Variants in BTBD10 observed in about 807,000 individuals in gnomAD.
BTBD10 encodes BTB domain containing 10.
BTBD10 carries 21 observed loss-of-function variants against 53.2 expected under a neutral mutation model. The ratio of observed to expected loss-of-function variants is 0.39; its 90% CI spans 0.28 to 0.57. The LOEUF (loss-of-function observed/expected upper bound fraction) is 0.57. Among genes scored for constraint, BTBD10 ranks in the 20% least tolerant of loss-of-function variants. The pLI is 0.53. For missense variants in BTBD10, 360 were observed against 594.7 expected (o/e 0.61, Z 4.10); for synonymous variants, 149 against 192.7 (o/e 0.77, Z 1.88).
chr11:13,420,781 G>A (rs557919693), intron 3 of BTBD10, among the ~76,000 whole-genome samples: 1 of 152,186 alleles, frequency 6.6e-6, no homozygotes, highest in South Asian at 2.1e-4. Context: ...ATTTGCTAAA[G>A]CAATATTAAT....
At chr11:13,438,981 G>A (rs946124700) in intron 2 of BTBD10, among the ~76,000 whole-genome samples, 6 of 151,884 alleles carry the variant, frequency 4.0e-5, no homozygotes, top group Admixed American at 3.3e-4. Flanking sequence ...ATATAAATAA[G>A]TCATGACAAC....
intron 2 of BTBD10, among the ~76,000 whole-genome samples, chr11:13,436,807 AGTCTC>A (rs1950551085): frequency 6.6e-6 from 1 of 152,094 alleles, no homozygotes; most frequent in Non-Finnish European, 1.5e-5. Context: ...TTTGAGAAAG[AGTCTC>A]ACTCTGTCAT....
intron 2 of BTBD10, among the ~76,000 whole-genome samples, chr11:13,424,955 T>C (rs1165411086): frequency 1.3e-5 from 2 of 151,806 alleles, no homozygotes; most frequent in Non-Finnish European, 2.9e-5. Flanking sequence ...AGCTGAGACA[T>C]TGGGATAAGA....
At chr11:13,404,031 C>CA (rs1462723218) in intron 7 of BTBD10, among the ~76,000 whole-genome samples, 1 of 151,118 alleles carries the variant, frequency 6.6e-6, no homozygotes, top group Non-Finnish European at 1.5e-5. Flanking sequence ...AAGGTTTTTT[C>CA]AAAAAAAGAA....
intron 2 of BTBD10, among the ~76,000 whole-genome samples, chr11:13,425,969 C>T (rs925169976): frequency 2.0e-5 from 3 of 151,714 alleles, no homozygotes; most frequent in Non-Finnish European, 4.4e-5. Context: ...GAAGACAACG[C>T]AATAGGAAAT....
At chr11:13,423,942 T>A (rs1362323346) in intron 2 of BTBD10, among the ~76,000 whole-genome samples, 1 of 152,052 alleles carries the variant, frequency 6.6e-6, no homozygotes, top group Admixed American at 6.6e-5. Context: ...GAAAAAAAAT[T>A]AGAGGACAGC....
intron 2 of BTBD10, among the ~76,000 whole-genome samples, chr11:13,438,025 AT>A: frequency 6.6e-6 from 1 of 152,170 alleles, no homozygotes; most frequent in South Asian, 2.1e-4. Context: ...TCTTATTTCT[AT>A]TTCTGTTAGA....
chr11:13,444,135 CCAAT>C (rs1272404772), intron 2 of BTBD10, among the ~76,000 whole-genome samples: 1 of 151,898 alleles, frequency 6.6e-6, no homozygotes, highest in Non-Finnish European at 1.5e-5. Context: ...TTAAAAAGTA[CCAAT>C]CACTCAAATT....
At chr11:13,429,341 A>AT (rs572805771) in intron 2 of BTBD10, among the ~76,000 whole-genome samples, 2 of 152,114 alleles carry the variant, frequency 1.3e-5, no homozygotes, top group Non-Finnish European at 2.9e-5. Flanking sequence ...AGCCTAAATA[A>AT]TTTTTTTAAA....
rs909978459 is a variant in BTBD10 at position 13,459,262 on chromosome 11, T to G, written c.-58+3830A>C. On this transcript the variant is annotated intron_variant, in intron 1 of 8. Transcript: ENST00000278174. ...TTTAGTAGAGACGGGGTTTCACCGT[T>G]TTAGCCGGGATGGTCTCGATCTCCT... 8.6e-5 allele frequency among the ~76,000 whole-genome samples: 13 copies of G among 151,650 alleles called. No individual in the cohort carries two copies. The East Asian group carries it at 2.3e-3, about 27-fold the overall frequency.
At position 13,439,865 on chromosome 11, in the gene BTBD10, G is replaced by T. The variant is rs1261046842; in HGVS notation, c.101+5159C>A. The T allele has an allele frequency of 2.7e-6, 4 of 1,497,894 alleles. No homozygotes were observed. In the African/African-American group the frequency reaches 5.6e-5, roughly 21 times the overall value. The allele number at this position is 1,497,894 out of a possible 1,614,324, so 92.8% of individuals were successfully genotyped here. A position where few individuals can be genotyped will look rare whatever the true frequency, so the allele number is the denominator to read the frequency against. On this transcript the variant is annotated intron_variant, in intron 2 of 8. Coordinates refer to ENST00000278174, the MANE Select transcript of BTBD10 (RefSeq NM_032320.7). ...AATAATTATAACCCAGAGATATCAT[G>T]TAATAAATGAATACACACCTTCCTT... is the stretch of plus-strand genomic sequence containing the variant.
intron 1 of BTBD10, among the ~76,000 whole-genome samples, chr11:13,458,361 G>A (rs999553817): frequency 1.3e-5 from 2 of 152,038 alleles, no homozygotes; most frequent in Non-Finnish European, 2.9e-5. Flanking sequence ...ACACACACAC[G>A]AAATGGAAAT....
At chr11:13,392,630 T>C (rs984941022) in intron 8 of BTBD10, among the ~76,000 whole-genome samples, 1 of 152,106 alleles carries the variant, frequency 6.6e-6, no homozygotes, top group Admixed American at 6.6e-5. Flanking sequence ...TCCAGAAACA[T>C]GGAATTGGGA....
At chr11:13,396,892 C>A (rs1171935357) in intron 8 of BTBD10, among the ~76,000 whole-genome samples, 2 of 152,122 alleles carry the variant, frequency 1.3e-5, no homozygotes, top group Non-Finnish European at 2.9e-5. Flanking sequence ...GGATGAAGCC[C>A]ACTTGATCAT....
chr11:13,448,318 G>C (rs890209226), intron 1 of BTBD10, among the ~76,000 whole-genome samples: 6 of 152,016 alleles, frequency 3.9e-5, no homozygotes, highest in Non-Finnish European at 7.4e-5. Flanking sequence ...TGTTTATTAG[G>C]ATTCCATCTT....
intron 8 of BTBD10, among the ~76,000 whole-genome samples, chr11:13,392,331 GAC>G (rs1295252654): frequency 6.6e-6 from 1 of 152,130 alleles, no homozygotes; most frequent in Non-Finnish European, 1.5e-5. Context: ...AAGGTAGGCA[GAC>G]AGAGTATCAT....
chr11:13,439,848 T>C (rs1223938765), intron 2 of BTBD10: 1 of 1,457,944 alleles, frequency 6.9e-7, no homozygotes, highest in African/African-American at 1.4e-5. Context: ...TAAATAATTA[T>C]AACCCAGAGA....
intron 6 of BTBD10, among the ~76,000 whole-genome samples, chr11:13,412,939 G>A (rs556202952): frequency 6.6e-6 from 1 of 152,148 alleles, no homozygotes; most frequent in Non-Finnish European, 1.5e-5. Flanking sequence ...ATGGGAGTAG[G>A]GGTGCTGAAG....
intron 4 of BTBD10, among the ~76,000 whole-genome samples, chr11:13,419,162 T>C (rs183768841): frequency 1.1e-4 from 16 of 152,256 alleles, no homozygotes; most frequent in Admixed American, 7.2e-4. Context: ...GGATTCAATT[T>C]ACAGTCTCAA....
Sources: gnomAD v4.1 joint callset for allele counts (sites outside exome capture counted in the v4.1 genomes callset) on GRCh38, gnomAD v4.1.1 for gene constraint, MANE v1.5 for transcripts, NCBI Gene and HGNC (gene_info 2026-07-23, HGNC 2026-07-21) for gene names.